The following CFAP65 variants were observed in gnomAD, a reference collection of about 807,000 sequenced individuals.
CFAP65 encodes cilia and flagella associated protein 65.
CFAP65 carries 155 observed loss-of-function variants against 208.0 expected under a neutral mutation model. That is an observed-to-expected ratio of 0.75 (90% CI 0.65 to 0.85). CFAP65 has a LOEUF of 0.85. Ranked by LOEUF, CFAP65 falls within the 40% of genes least tolerant of loss-of-function variation. The pLI is 0.00. For missense variants in CFAP65, 2,294 were observed against 2,451.3 expected (o/e 0.94, Z 1.36); for synonymous variants, 970 against 986.3 (o/e 0.98, Z 0.31).
chr2:219,021,627 C>T (rs1406548048), intron 18 of CFAP65, among the ~76,000 whole-genome samples, 153 bp downstream of exon 18: 4 of 152,108 alleles, frequency 2.6e-5, no homozygotes, highest in African/African-American at 9.7e-5. Flanking sequence ...TGCACTGCAG[C>T]GTGGAACTCC....
Position 219,009,964 on chromosome 2 carries a change from G to T in CFAP65, c.4430C>A (p.Pro1477Gln). The change falls in exon 27 of 35, where the codon CCA becomes CAA. Residue 1477 changes from proline (P) to glutamine (Q), a missense_variant. Pro to Gln is a moderately conservative substitution (Grantham distance 76, BLOSUM62 -1). Coordinates refer to ENST00000341552, the MANE Select transcript of CFAP65 (RefSeq NM_194302.4). ...KNEEIAFSWQ[P>Q]SPLDFGEVSV... Reference sequence around the variant, plus strand: ...CACCTCCCCAAAATCTAGAGGACTTGGCTGCCAGGAGAAGGCAATTTCCTC... The same window carrying T: ...CACCTCCCCAAAATCTAGAGGACTTTGCTGCCAGGAGAAGGCAATTTCCTC... The T allele has an allele frequency of 2.5e-6, 4 of 1,611,960 alleles. No homozygotes were observed. Among genetic ancestry groups the T allele is most frequent in the South Asian group, 1.1e-5 (1 of 90,760 alleles).
chr2:219,010,873 C>T lies in CFAP65; in HGVS notation c.4081G>A (p.Glu1361Lys). The part of the protein sequence containing the change: ...PIFCCLNPKG[E>K]IQPGSTARVL... ...CGGGCAGTGCTGCCTGGCTGGATCT[C>T]CCCTTTGGGGTTGAGGCAGCAAAAG... Residue 1361 changes from glutamate to lysine, a missense_variant, in exon 25 of 35, where the codon GAG becomes AAG. This residue lies in a region of CFAP65 where 1,427 missense variants were observed against 1,438.7 expected (regional missense o/e 0.99). Coordinates refer to ENST00000341552, the MANE Select transcript of CFAP65 (RefSeq NM_194302.4). 1 of 1,613,716 alleles carries T rather than the reference C, an allele frequency of 6.2e-7. No homozygotes were observed. The highest frequency in any genetic ancestry group is 8.5e-7 in the Non-Finnish European group (1 of 1,179,968).
chr2:219,014,063 G>A lies in CFAP65; in HGVS notation c.3603-19C>T. On this transcript the variant is annotated intron_variant, in intron 21 of 34. Transcript: ENST00000341552. ...GAAGGCCCTGGGAGAGGGGTGCAAA[G>A]CCATACAAAGAAACTGGTCAGGCAG... is the stretch of plus-strand genomic sequence containing the variant. 6.3e-7 allele frequency: 1 copy of A among 1,584,484 alleles called. No individual in the cohort carries two copies. The highest frequency in any genetic ancestry group is 8.6e-7 in the Non-Finnish European group (1 of 1,163,252).
rs766294264 is a variant in CFAP65, at chr2:219,019,608, C to T, written c.3371G>A (p.Arg1124Gln). 46 of 1,613,680 alleles carry T rather than the reference C, an allele frequency of 2.9e-5. No homozygotes were observed. The highest frequency in any genetic ancestry group is 4.0e-5 in the African/African-American group (3 of 74,938). ...AGAGAAGAGGCGCCACAGGTGCTTC[C>T]GGGTGATACCCTCAGCACTGCCCAT... is the stretch of plus-strand genomic sequence containing the variant. ...SSMGSAEGITRKHLWRLFSLD... is the reference protein window; with the variant it reads ...SSMGSAEGITQKHLWRLFSLD... Residue 1124 changes from arginine (R) to glutamine (Q), a missense_variant, in exon 20 of 35, where the codon CGG (arginine) becomes CAG (glutamine). Around this residue, in one of 2 missense-constraint regions of CFAP65, gnomAD observed 1,427 missense variants for 1,438.7 expected, o/e 0.99. Transcript: ENST00000341552.
chr2:219,027,104 G>A (rs1160127689), intron 13 of CFAP65: 2 of 1,060,858 alleles, frequency 1.9e-6, no homozygotes, highest in African/African-American at 1.7e-5. Flanking sequence ...AGTCAAGAAG[G>A]AAGGGATGGG....
Position 219,032,665 on chromosome 2 carries a change from C to T in CFAP65, c.543-93G>A, listed in dbSNP as rs1481221032. 4.6e-6 allele frequency: 5 copies of T among 1,084,768 alleles called. No homozygotes were observed. Among genetic ancestry groups the T allele is most frequent in the East Asian group, 5.3e-5 (2 of 37,930 alleles). 67.2% of individuals were successfully genotyped at this position (1,084,768 alleles called of 1,614,324 possible). On this transcript the variant is annotated intron_variant, in intron 5 of 34. Transcript: ENST00000341552. The surrounding 1 kb of genome is among the most constrained non-coding windows in gnomAD (Gnocchi z 5.5). ...GAGGGAAGCCCTGCAGCCAAGGGAG[C>T]TTGAGTCCCTGGGACCACAGAGAAA...
At chr2:219,028,456 G>A in intron 11 of CFAP65, 55 bp from the exon 12 acceptor site, 1 of 1,473,640 alleles carries the variant, frequency 6.8e-7, no homozygotes, top group East Asian at 2.3e-5. Context: ...GGGCAAGGGG[G>A]GTGCTGGGGG....
chr2:219,028,387 C>A lies in CFAP65; in HGVS notation c.1665G>T (p.Leu555=), dbSNP rs1947799635. ...CLIHHQDPLF[L]DLMGTCHSDS... ...CCGAGTGGCAGGTCCCCATCAGGTC[C>A]AGGAACAGTGGGTCCTGTGACATTT... The change falls in exon 12 of 35, where the codon CTG becomes CTT. Residue 555 remains leucine, a synonymous_variant. Transcript: ENST00000341552. 6.2e-7 allele frequency: 1 copy of A among 1,611,840 alleles called. No individual in the cohort carries two copies. The highest frequency in any genetic ancestry group is 8.5e-7 in the Non-Finnish European group (1 of 1,179,788).
chr2:219,038,287 C>T (rs1948477415), intron 4 of CFAP65, 88 bp downstream of exon 4: 5 of 1,292,004 alleles, frequency 3.9e-6, no homozygotes, highest in Admixed American at 1.9e-5. Context: ...GTCAGGGCCT[C>T]TCAAGATTCC....
rs762156259 is a variant in CFAP65, at chr2:219,038,368, T to G, written c.357+7A>C. ...CCCTGCTCTGCCTGCCCTGGCTGTA[T>G]CCTTACCTGGGCGCTGATGGTGCTG... is the stretch of plus-strand genomic sequence containing the variant. On this transcript the variant is annotated splice_region_variant and intron_variant, in intron 4 of 34. Transcript: ENST00000341552. The G allele has an allele frequency of 1.2e-4, 190 of 1,612,288 alleles. No individual in the cohort carries two copies. Among genetic ancestry groups the G allele is most frequent in the Non-Finnish European group, 1.5e-4 (182 of 1,179,898 alleles).
At chr2:219,008,503 G>C (rs1215130447) in intron 29 of CFAP65, among the ~76,000 whole-genome samples, 6 of 152,212 alleles carry the variant, frequency 3.9e-5, no homozygotes, top group Non-Finnish European at 7.3e-5. Context: ...TCAGCACTTT[G>C]GGAGGCCGAG....
chr2:219,012,936 G>A (rs539432531), intron 24 of CFAP65, among the ~76,000 whole-genome samples: 1 of 152,148 alleles, frequency 6.6e-6, no homozygotes, highest in South Asian at 2.1e-4. Flanking sequence ...GTATATACTG[G>A]GGTGTAAGCA....
intron 21 of CFAP65, chr2:219,015,063 CGAG>C: frequency 6.8e-6 from 1 of 146,946 alleles, no homozygotes; most frequent in Non-Finnish European, 1.5e-5. Context: ...AACACACACC[CGAG>C]GAGAATGCGC....
rs758438757 is a variant in CFAP65, at chr2:219,027,932, G to A, written c.1929C>T (p.Asp643=). 1.3e-6 allele frequency: 2 copies of A among 1,522,704 alleles called. No homozygotes were observed. Among genetic ancestry groups the A allele is most frequent in the East Asian group, 4.5e-5 (2 of 44,060 alleles). The allele number at this position is 1,522,704 out of a possible 1,614,324, so 94.3% of individuals were successfully genotyped here. The change falls in exon 13 of 35, where the codon GAC becomes GAT. Residue 643 remains aspartate (D), a synonymous_variant. Coordinates refer to ENST00000341552, the MANE Select transcript of CFAP65 (RefSeq NM_194302.4). The part of the protein sequence containing the change: ...MTEFFFDGTS[D]ITIFPPPISV... ...TGATGGGCGGGGGGAAGATGGTTAT[G>A]TCGCTGGTGCCGTCGAAGAAGAACT... is the stretch of plus-strand genomic sequence containing the variant.
At chr2:219,014,123 C>G (rs568442666) in intron 21 of CFAP65, 79 bp from the exon 22 acceptor site, 1 of 1,296,784 alleles carries the variant, frequency 7.7e-7, no homozygotes, top group African/African-American at 1.5e-5. Context: ...CCCTGATGGG[C>G]AGGTGGAGGC....
At chr2:219,025,480 G>A (rs114332121) in intron 14 of CFAP65, among the ~76,000 whole-genome samples, 9 of 152,282 alleles carry the variant, frequency 5.9e-5, no homozygotes, top group African/African-American at 2.2e-4. Context: ...ATTGGAAGCC[G>A]GCGGTCTGGC....
intron 14 of CFAP65, 88 bp downstream of exon 14, chr2:219,025,934 C>CAT (rs1471788479): frequency 6.6e-7 from 1 of 1,508,566 alleles, no homozygotes; most frequent in Non-Finnish European, 9.1e-7. Flanking sequence ...TTTCTGAGGC[C>CAT]ATCAGAGAAT....
chr2:219,034,259 T>C (rs1225384170), intron 5 of CFAP65: 1 of 152,196 alleles, frequency 6.6e-6, no homozygotes, highest in Non-Finnish European at 1.5e-5. Flanking sequence ...ATAAGCTGAT[T>C]TGAATATTTA....
Position 219,041,516 on chromosome 2 carries a change from T to G in CFAP65, c.-77A>C, listed in dbSNP as rs990609470. ...GCCTCCATATTGCCGTCTCCATAGA[T>G]ACAGGACGCGCAGGAAACGGCGTCT... is the stretch of plus-strand genomic sequence containing the variant. On this transcript the variant is annotated 5_prime_UTR_variant, in exon 1 of 35. Coordinates refer to ENST00000341552, the MANE Select transcript of CFAP65 (RefSeq NM_194302.4). 2 of 1,550,440 alleles carry G rather than the reference T, an allele frequency of 1.3e-6. No homozygotes were observed. The highest frequency in any genetic ancestry group is 2.7e-5 in the African/African-American group (2 of 73,032).
Sources: gnomAD v4.1 joint callset for allele counts (sites outside exome capture counted in the v4.1 genomes callset) on GRCh38, gnomAD v4.1.1 for gene constraint, gnomAD v4.1.1 regional missense constraint, Gnocchi (gnomAD v3.1) non-coding constraint, MANE v1.5 for transcripts, NCBI Gene and HGNC (gene_info 2026-07-23, HGNC 2026-07-21) for gene names.